Variants in PPARD observed in about 807,000 individuals in gnomAD.
PPARD encodes peroxisome proliferator activated receptor delta.
A neutral mutation model predicts 39.5 loss-of-function variants in PPARD; 6 were observed. The observed-to-expected ratio is 0.15, with a 90% confidence interval of 0.08 to 0.30. The LOEUF is 0.30. Among genes scored for constraint, PPARD ranks in the 10% least tolerant of loss-of-function variants. The pLI is 1.00. For missense variants in PPARD, 397 were observed against 596.8 expected (o/e 0.67, Z 3.49); for synonymous variants, 210 against 231.3 (o/e 0.91, Z 0.83).
intron 2 of PPARD, among the ~76,000 whole-genome samples, chr6:35,385,143 A>G (rs1763536313): frequency 6.9e-6 from 1 of 145,450 alleles, no homozygotes; most frequent in East Asian, 2.1e-4. Flanking sequence ...TGTGCCCAAC[A>G]GCTCATTGAG....
At chr6:35,379,502 G>A (rs577499820) in intron 2 of PPARD, among the ~76,000 whole-genome samples, 4 of 152,330 alleles carry the variant, frequency 2.6e-5, no homozygotes, top group African/African-American at 9.6e-5. Context: ...GTTCAGTACT[G>A]TGCTGGGTGC....
intron 2 of PPARD, among the ~76,000 whole-genome samples, chr6:35,389,239 G>T (rs1471124038): frequency 2.0e-5 from 3 of 152,196 alleles, no homozygotes; most frequent in African/African-American, 7.2e-5. Flanking sequence ...GGGGCACAAA[G>T]AACCTTGTAG....
chr6:35,411,069 C>A lies in PPARD; in HGVS notation c.-19C>A. 1 of 1,487,578 alleles carries A rather than the reference C, an allele frequency of 6.7e-7. No homozygotes were observed. Among genetic ancestry groups the A allele is most frequent in the Non-Finnish European group, 9.0e-7 (1 of 1,114,512 alleles). The allele number at this position is 1,487,578 out of a possible 1,614,324, so 92.1% of individuals were successfully genotyped here. On this transcript the variant is annotated 5_prime_UTR_variant, in exon 3 of 8. Coordinates refer to ENST00000360694, the MANE Select transcript of PPARD (RefSeq NM_006238.5). ...GCTATGACTGGGCCTGCAGGTGTGGCGCCGAGGGGAGATCAGCCATGGAGC... is the reference window on the plus strand; with the variant it reads ...GCTATGACTGGGCCTGCAGGTGTGGAGCCGAGGGGAGATCAGCCATGGAGC...
rs949976211 is a variant in PPARD at position 35,424,929 on chromosome 6, C to T, written c.1078+150C>T. The T allele has an allele frequency of 1.4e-6, 2 of 1,443,524 alleles. No homozygotes were observed. The highest frequency in any genetic ancestry group is 1.8e-6 in the Non-Finnish European group (2 of 1,103,160). The allele number at this position is 1,443,524 out of a possible 1,614,324, so 89.4% of individuals were successfully genotyped here. Reference sequence around the variant, plus strand: ...TGGAACATGCAAGGCACTGACTGAGCATGCAGGATCAGCTCCATCTCATTA... The same window carrying T: ...TGGAACATGCAAGGCACTGACTGAGTATGCAGGATCAGCTCCATCTCATTA... On this transcript the variant is annotated intron_variant, in intron 7 of 7. Transcript: ENST00000360694. This position sits in a 1 kb window ranked among gnomAD's most constrained non-coding sequence, Gnocchi z 7.1.
chr6:35,352,246 T>TG (rs1398331122), intron 2 of PPARD, among the ~76,000 whole-genome samples: 1 of 151,438 alleles, frequency 6.6e-6, no homozygotes, highest in African/African-American at 2.4e-5. Flanking sequence ...TGCAGTGGTG[T>TG]GATCTCGGCT....
intron 2 of PPARD, among the ~76,000 whole-genome samples, chr6:35,357,641 A>G (rs1447715648): frequency 6.6e-6 from 1 of 151,632 alleles, no homozygotes; most frequent in Non-Finnish European, 1.5e-5. Context: ...GGTTCAAGCA[A>G]TTCTCCTACC....
intron 2 of PPARD, among the ~76,000 whole-genome samples, chr6:35,398,881 A>T (rs977623471): frequency 7.2e-5 from 11 of 152,166 alleles, no homozygotes; most frequent in African/African-American, 2.7e-4. Context: ...TGGGAGGCCA[A>T]GGTGGGTGGA....
chr6:35,392,520 G>T (rs561532001), intron 2 of PPARD, among the ~76,000 whole-genome samples: 2 of 152,236 alleles, frequency 1.3e-5, no homozygotes, highest in Non-Finnish European at 2.9e-5. Context: ...GAATTCCAAG[G>T]CCAGTCCAGA....
At chr6:35,415,756 G>C (rs1464515357) in intron 3 of PPARD, among the ~76,000 whole-genome samples, 1 of 150,828 alleles carries the variant, frequency 6.6e-6, no homozygotes, top group Non-Finnish European at 1.5e-5. Flanking sequence ...GTATTAGTCA[G>C]GGTTCTCCAG....
chr6:35,426,251 C>T lies in PPARD; in HGVS notation c.*172C>T, dbSNP rs931178096. 2 of 793,770 alleles carry T rather than the reference C, an allele frequency of 2.5e-6. No individual in the cohort carries two copies. The highest frequency in any genetic ancestry group is 3.9e-6 in the Non-Finnish European group (2 of 512,976). The allele number at this position is 793,770 out of a possible 1,614,324, so 49.2% of individuals were successfully genotyped here. A position where few individuals can be genotyped will look rare whatever the true frequency, so the allele number is the denominator to read the frequency against. ...CCTCTGGCTCCCTGTGCCCTCTCTC[C>T]CGCTTCCTCCAGCCAGCTCTCTTCC... is the stretch of plus-strand genomic sequence containing the variant. On this transcript the variant is annotated 3_prime_UTR_variant, in exon 8 of 8. Coordinates refer to ENST00000360694, the MANE Select transcript of PPARD (RefSeq NM_006238.5).
At chr6:35,377,654 G>A (rs1762887326) in intron 2 of PPARD, among the ~76,000 whole-genome samples, 1 of 152,158 alleles carries the variant, frequency 6.6e-6, no homozygotes, top group African/African-American at 2.4e-5. Context: ...CCGGCATGCA[G>A]TAACCCTGAT....
chr6:35,379,101 T>C (rs1453391062), intron 2 of PPARD, among the ~76,000 whole-genome samples: 2 of 150,984 alleles, frequency 1.3e-5, no homozygotes, highest in South Asian at 2.1e-4. Context: ...TCTTTCTTTT[T>C]TTTTTTTTTT....
intron 3 of PPARD, among the ~76,000 whole-genome samples, chr6:35,413,939 A>G (rs1307127720): frequency 6.6e-6 from 1 of 152,072 alleles, no homozygotes; most frequent in Non-Finnish European, 1.5e-5. Flanking sequence ...TCGGCCTCCC[A>G]AAGTGTTGGG....
intron 2 of PPARD, among the ~76,000 whole-genome samples, chr6:35,388,436 G>A (rs9658097): frequency 1.6e-4 from 25 of 152,192 alleles, no homozygotes; most frequent in African/African-American, 4.8e-4. Context: ...AGGGGAGGCC[G>A]GGTGTAGTGG....
At chr6:35,423,578 C>T (rs958461847) in intron 5 of PPARD, among the ~76,000 whole-genome samples, 9 of 151,896 alleles carry the variant, frequency 5.9e-5, no homozygotes, top group African/African-American at 1.9e-4. Flanking sequence ...GAGTCTGCCC[C>T]AAGTCACAAA....
intron 2 of PPARD, among the ~76,000 whole-genome samples, chr6:35,369,725 A>C (rs1762385865): frequency 1.3e-5 from 2 of 152,232 alleles, no homozygotes; most frequent in African/African-American, 4.8e-5. Flanking sequence ...AATCTTATTT[A>C]ATCAGTCCTG....
At chr6:35,396,745 G>A (rs186539231) in intron 2 of PPARD, among the ~76,000 whole-genome samples, 55 of 151,930 alleles carry the variant, frequency 3.6e-4, no homozygotes, top group African/African-American at 1.3e-3. Context: ...CAGGAGAATC[G>A]CTTTAACCCA....
intron 2 of PPARD, among the ~76,000 whole-genome samples, chr6:35,348,210 G>A (rs1275146875): frequency 6.6e-6 from 1 of 152,170 alleles, no homozygotes; most frequent in Non-Finnish European, 1.5e-5. Context: ...GCCCAGCCGG[G>A]AACAAATATT....
chr6:35,418,566 AAC>A (rs1179097127), intron 3 of PPARD, among the ~76,000 whole-genome samples: 6 of 152,200 alleles, frequency 3.9e-5, no homozygotes, highest in Admixed American at 6.5e-5. Context: ...TCCAACAATG[AAC>A]ACACACAGGA....
Sources: allele counts gnomAD v4.1 joint callset (sites outside exome capture counted in the v4.1 genomes callset), GRCh38; gene constraint gnomAD v4.1.1; non-coding constraint Gnocchi (gnomAD v3.1); transcripts MANE v1.5; gene names NCBI Gene and HGNC (gene_info 2026-07-23, HGNC 2026-07-21).